The following CDH13 variants were observed in gnomAD, a reference collection of about 807,000 sequenced individuals.
CDH13 encodes the protein cadherin-13.
In CDH13, 24 loss-of-function variants were observed where a neutral mutation model predicts 63.8. The ratio of observed to expected loss-of-function variants is 0.38; its 90% CI spans 0.27 to 0.53. CDH13 has a LOEUF of 0.53. Ranked by LOEUF, CDH13 falls within the 20% of genes least tolerant of loss-of-function variation. The pLI is 0.85. For synonymous variants in CDH13, 503 were observed against 355.3 expected, an observed-to-expected ratio of 1.42 and a Z score of -4.67; for missense variants, 1,049 against 903.1, an observed-to-expected ratio of 1.16 and a Z score of -2.07.
chr16:83,556,491 A>G (rs562749918), intron 7 of CDH13, among the ~76,000 whole-genome samples: 1 of 152,278 alleles, frequency 6.6e-6, no homozygotes, highest in South Asian at 2.1e-4. Flanking sequence ...GTAAAGCCAA[A>G]GTTGTTGTTG....
chr16:83,477,250 C>T (rs2073629070), intron 6 of CDH13, among the ~76,000 whole-genome samples: 1 of 152,160 alleles, frequency 6.6e-6, no homozygotes, highest in South Asian at 2.1e-4. Flanking sequence ...AGTCATTGCT[C>T]AACTTGTCAT....
intron 1 of CDH13, among the ~76,000 whole-genome samples, chr16:82,815,791 A>C (rs2037677104): frequency 6.6e-6 from 1 of 152,166 alleles, no homozygotes; most frequent in African/African-American, 2.4e-5. Context: ...AACAGCTTTA[A>C]TTTCAATAAT....
At chr16:83,431,563 T>A (rs1415643530) in intron 6 of CDH13, among the ~76,000 whole-genome samples, 2 of 152,092 alleles carry the variant, frequency 1.3e-5, no homozygotes, top group Admixed American at 6.6e-5. Flanking sequence ...GGGTCACAGT[T>A]CTGCAGGCTG....
chr16:83,399,360 G>A (rs1401217173), intron 6 of CDH13, among the ~76,000 whole-genome samples: 1 of 152,138 alleles, frequency 6.6e-6, no homozygotes, highest in African/African-American at 2.4e-5. Context: ...AAATATAACT[G>A]GAGCTAATTC....
chr16:83,132,567 C>T (rs922660169), intron 4 of CDH13, among the ~76,000 whole-genome samples: 1 of 151,572 alleles, frequency 6.6e-6, no homozygotes, highest in Non-Finnish European at 1.5e-5. Flanking sequence ...CCTGCTCAGC[C>T]TCCCTAACTG....
chr16:83,590,640 C>G (rs1906643626), intron 7 of CDH13, among the ~76,000 whole-genome samples: 1 of 152,130 alleles, frequency 6.6e-6, no homozygotes, highest in East Asian at 1.9e-4. Flanking sequence ...TTTTGGAAAA[C>G]TATGATTTTC....
At chr16:83,247,205 C>T (rs909968956) in intron 5 of CDH13, among the ~76,000 whole-genome samples, 1 of 152,106 alleles carries the variant, frequency 6.6e-6, no homozygotes. Context: ...GGGGTTTTAG[C>T]AGGTCATTTA....
At chr16:83,379,938 T>TATATAGAGAGAGAGAGAGAGAGAG in intron 6 of CDH13, among the ~76,000 whole-genome samples, 8 of 123,458 alleles carry the variant, frequency 6.5e-5, no homozygotes, top group Non-Finnish European at 9.8e-5. Context: ...TATATATATA[T>TATATAGAGAGAGAGAGAGAGAGAG]AGAGAGAGAG....
intron 2 of CDH13, among the ~76,000 whole-genome samples, chr16:82,889,970 T>G (rs900144479): frequency 1.3e-5 from 2 of 152,190 alleles, no homozygotes; most frequent in African/African-American, 2.4e-5. Context: ...CACAAATGCT[T>G]TTTGGGGTAC....
At chr16:83,736,526 G>A (rs144557487) in intron 10 of CDH13, among the ~76,000 whole-genome samples, 25 of 152,168 alleles carry the variant, frequency 1.6e-4, no homozygotes, top group African/African-American at 4.3e-4. Flanking sequence ...TGACCCTTAC[G>A]AAGTGTCAAA....
At chr16:83,606,463 A>C (rs6563944) in intron 8 of CDH13, among the ~76,000 whole-genome samples, 102,309 of 151,934 alleles carry the variant, frequency 0.67, 35,421 homozygotes, top group African/African-American at 0.84. Context: ...GAAGGCTGGG[A>C]GTGGTGGCTC....
At chr16:83,420,004 C>T (rs749286772) in intron 6 of CDH13, among the ~76,000 whole-genome samples, 1 of 151,732 alleles carries the variant, frequency 6.6e-6, no homozygotes, top group African/African-American at 2.4e-5. Flanking sequence ...GATTAACTCA[C>T]ATTGCATCTT....
chr16:82,980,567 G>C (rs1245309044), intron 2 of CDH13, among the ~76,000 whole-genome samples: 3 of 152,148 alleles, frequency 2.0e-5, no homozygotes, highest in African/African-American at 7.2e-5. Flanking sequence ...TGGTAACACT[G>C]TGCGGAGCTC....
chr16:83,698,349 C>T (rs949039583), intron 10 of CDH13, among the ~76,000 whole-genome samples: 8 of 152,166 alleles, frequency 5.3e-5, no homozygotes, highest in African/African-American at 1.9e-4. Flanking sequence ...GTTTGGGCCT[C>T]CCCTTTGGGC....
chr16:83,382,236 T>C (rs2091581142), intron 6 of CDH13, among the ~76,000 whole-genome samples: 1 of 152,198 alleles, frequency 6.6e-6, no homozygotes, highest in Non-Finnish European at 1.5e-5. Context: ...GCCTGGCACA[T>C]AATGAAGACA....
rs566501218 is a variant in CDH13 at position 82,705,349 on chromosome 16, T to C, written c.45+78212T>C. ...CTCCAGCAAGGGATGCCCAGAGATA[T>C]AACAATTAGAATTCAATACGCTAAT... On this transcript the variant is annotated intron_variant, in intron 1 of 13. Transcript: ENST00000567109. The C allele has an allele frequency of 5.1e-5, 18 of 352,418 alleles. 1 individual carries two copies. The highest frequency in any genetic ancestry group is 2.4e-4 in the South Asian group (11 of 45,450). The allele number at this position is 352,418 out of a possible 1,614,324, so 21.8% of individuals were successfully genotyped here. A position where few individuals can be genotyped will look rare whatever the true frequency, so the allele number is the denominator to read the frequency against.
intron 7 of CDH13, among the ~76,000 whole-genome samples, chr16:83,576,544 A>C (rs770087215): frequency 6.6e-6 from 1 of 152,184 alleles, no homozygotes; most frequent in African/African-American, 2.4e-5. Flanking sequence ...CTCTATGTTT[A>C]ACTTTTTGAG....
At position 83,304,690 on chromosome 16, in the gene CDH13, A is replaced by G. The variant is rs147649792; in HGVS notation, c.637-40172A>G. Among the ~76,000 whole-genome samples the G allele has an allele frequency of 1.5e-3, 226 of 152,284 alleles. 1 individual carries two copies. The highest frequency in any genetic ancestry group is 4.8e-3 in the African/African-American group (200 of 41,564). On this transcript the variant is annotated intron_variant, in intron 5 of 13. Transcript: ENST00000567109. ...AATAATGATAATATTGTGTTGTACG[A>G]GAGAGTGTGGATGAGATATTTATAA...
intron 11 of CDH13, among the ~76,000 whole-genome samples, chr16:83,762,365 G>C (rs1383960520): frequency 4.0e-5 from 6 of 151,094 alleles, no homozygotes; most frequent in Non-Finnish European, 3.0e-5. Context: ...CAGAATTGCT[G>C]CCCTCTCTTA....
Sources: gnomAD v4.1 joint callset for allele counts (sites outside exome capture counted in the v4.1 genomes callset) on GRCh38, gnomAD v4.1.1 for gene constraint, MANE v1.5 for transcripts, NCBI Gene and HGNC (gene_info 2026-07-23, HGNC 2026-07-21) for gene names.